Variants in MAPT observed in about 807,000 individuals in gnomAD.
The protein encoded by MAPT is microtubule-associated protein tau.
In MAPT, 34 loss-of-function variants were observed where a neutral mutation model predicts 67.9. The ratio of observed to expected loss-of-function variants is 0.50; its 90% CI spans 0.38 to 0.67. The LOEUF (loss-of-function observed/expected upper bound fraction) is 0.67. Among genes scored for constraint, MAPT ranks in the 30% least tolerant of loss-of-function variants. The pLI, the probability that MAPT is intolerant of heterozygous loss-of-function variation, is 0.00. For synonymous variants in MAPT, 456 were observed against 464.5 expected (o/e 0.98, Z 0.23); for missense variants, 881 against 1,115.2 (o/e 0.79, Z 2.99).
At chr17:45,921,924 G>A (rs933065528) in intron 1 of MAPT, among the ~76,000 whole-genome samples, 1 of 152,084 alleles carries the variant, frequency 6.6e-6, no homozygotes, top group Non-Finnish European at 1.5e-5. Flanking sequence ...AAGCACCTAA[G>A]CCCGGGACCC....
intron 1 of MAPT, among the ~76,000 whole-genome samples, chr17:45,952,215 G>A (rs1277246215): frequency 6.6e-6 from 1 of 152,206 alleles, no homozygotes; most frequent in African/African-American, 2.4e-5. Context: ...CCATTTGTCT[G>A]TTGGTTTAGA....
chr17:45,932,252 A>G (rs2066909163), intron 1 of MAPT, among the ~76,000 whole-genome samples: 1 of 152,130 alleles, frequency 6.6e-6, no homozygotes, highest in African/African-American at 2.4e-5. Flanking sequence ...AGAGATGGAA[A>G]ATGCAAATGG....
At chr17:45,928,554 C>T (rs1054676343) in intron 1 of MAPT, among the ~76,000 whole-genome samples, 25 of 152,282 alleles carry the variant, frequency 1.6e-4, no homozygotes, top group African/African-American at 5.8e-4. Context: ...ACTCTGGCTG[C>T]CTACCTTAAC....
rs527604171 is a variant in MAPT at position 46,014,225 on chromosome 17, C to T, written c.2092-18C>T. 5.9e-5 allele frequency: 88 copies of T among 1,504,156 alleles called. 1 individual carries two copies. In the South Asian group the frequency reaches 9.7e-4, roughly 17 times the overall value. 93.2% of individuals were successfully genotyped at this position (1,504,156 alleles called of 1,614,324 possible). A position where few individuals can be genotyped will look rare whatever the true frequency, so the allele number is the denominator to read the frequency against. On this transcript the variant is annotated intron_variant, in intron 10 of 12. Transcript: ENST00000262410. ...CTCTCTGCCTTTCCTCTTCTCTCTCCTCCTCTCTCATCTCCAGGTGCAAAT... is the reference window on the plus strand; with the variant it reads ...CTCTCTGCCTTTCCTCTTCTCTCTCTTCCTCTCTCATCTCCAGGTGCAAAT...
At position 45,996,284 on chromosome 17, in the gene MAPT, A is replaced by T; in HGVS notation, c.1733-115A>T. ...TAGCTGCGCTTCCAACCTGGCTTCC[A>T]CCTGCCTAACCCAGTGGTGAGCCTG... is the stretch of plus-strand genomic sequence containing the variant. On this transcript the variant is annotated intron_variant, in intron 8 of 12. Transcript: ENST00000262410. The surrounding 1 kb of genome is among the most constrained non-coding windows in gnomAD (Gnocchi z 4.5). 1 of 1,199,806 alleles carries T rather than the reference A, an allele frequency of 8.3e-7. No individual in the cohort carries two copies. The highest frequency in any genetic ancestry group is 1.2e-6 in the Non-Finnish European group (1 of 821,744). 74.3% of individuals were successfully genotyped at this position (1,199,806 alleles called of 1,614,324 possible). A position where few individuals can be genotyped will look rare whatever the true frequency, so the allele number is the denominator to read the frequency against.
chr17:46,017,657 C>T (rs1176847057), intron 11 of MAPT, among the ~76,000 whole-genome samples: 1 of 148,596 alleles, frequency 6.7e-6, no homozygotes, highest in Non-Finnish European at 1.5e-5. Flanking sequence ...CGAGGTTTCA[C>T]CATGTTGGTC....
chr17:46,021,383 A>AC (rs143521905), intron 12 of MAPT, among the ~76,000 whole-genome samples: 4,090 of 152,208 alleles, frequency 0.027, 179 homozygotes, highest in African/African-American at 0.094. Context: ...GCTGTTTCTA[A>AC]CCCCAGGCCT....
intron 1 of MAPT, among the ~76,000 whole-genome samples, chr17:45,903,663 C>T (rs1411481536): frequency 3.8e-5 from 5 of 132,218 alleles, no homozygotes; most frequent in East Asian, 4.2e-4. Context: ...TGCAGTGAGC[C>T]GAGATCGCAC....
chr17:45,996,739 G>T lies in MAPT; in HGVS notation c.1998+75G>T. The T allele has an allele frequency of 6.3e-7, 1 of 1,576,456 alleles. No individual in the cohort carries two copies. The highest frequency in any genetic ancestry group is 8.6e-7 in the Non-Finnish European group (1 of 1,160,672). On this transcript the variant is annotated intron_variant, in intron 9 of 12. Coordinates refer to ENST00000262410, the MANE Select transcript of MAPT (RefSeq NM_001377265.1). This position sits in a 1 kb window ranked among gnomAD's most constrained non-coding sequence, Gnocchi z 4.5. The stretch of plus-strand genomic sequence containing the variant: ...GGTAGGGCTGTGCCTGGAAGGGTAG[G>T]GCTGCGCCTGGAGGTGCGCGGTTGA...
chr17:46,018,248 CAAG>C (rs887627190), intron 11 of MAPT, among the ~76,000 whole-genome samples: 12 of 151,978 alleles, frequency 7.9e-5, no homozygotes, highest in African/African-American at 2.9e-4. Context: ...TGCAGTATCT[CAAG>C]AAGAAGAGTT....
intron 1 of MAPT, among the ~76,000 whole-genome samples, chr17:45,949,843 G>A (rs907800506): frequency 1.3e-5 from 2 of 152,126 alleles, no homozygotes; most frequent in African/African-American, 2.4e-5. Context: ...GGAGGAAGGC[G>A]GATTGGTCAT....
At chr17:45,974,730 C>T (rs1320993565) in intron 3 of MAPT, 66 of 508,326 alleles carry the variant, frequency 1.3e-4, no homozygotes, top group African/African-American at 3.9e-5. Flanking sequence ...CCTCAGTCAG[C>T]GCGTCAGTTC....
chr17:46,015,014 A>C (rs1213093981), intron 11 of MAPT, among the ~76,000 whole-genome samples: 1 of 152,156 alleles, frequency 6.6e-6, no homozygotes, highest in Non-Finnish European at 1.5e-5. Context: ...AAAAAAATAG[A>C]ATAAGACCTA....
Position 45,962,194 on chromosome 17 carries a change from TAGAG to T in MAPT, c.-17-124_-17-121del, listed in dbSNP as rs1204120474. 17 of 758,064 alleles carry T rather than the reference TAGAG, an allele frequency of 2.2e-5. No homozygotes were observed. In the Admixed American group the frequency reaches 3.2e-4, roughly 14 times the overall value. 47.0% of individuals were successfully genotyped at this position (758,064 alleles called of 1,614,324 possible). On this transcript the variant is annotated intron_variant, in intron 1 of 12. Transcript: ENST00000262410. ...GGGATGAGGATGGGCGGCCAACTGT[TAGAG>T]AGGGTAGCAGGGAGGCTGAGATCTG... is the stretch of plus-strand genomic sequence containing the variant.
At chr17:45,958,364 C>T (rs1466433301) in intron 1 of MAPT, among the ~76,000 whole-genome samples, 1 of 152,132 alleles carries the variant, frequency 6.6e-6, no homozygotes, top group East Asian at 1.9e-4. Context: ...TAATGTTATT[C>T]ATAAATTAAG....
chr17:45,957,038 A>T (rs977025011), intron 1 of MAPT, among the ~76,000 whole-genome samples: 1 of 152,102 alleles, frequency 6.6e-6, no homozygotes, highest in Admixed American at 6.5e-5. Context: ...TGCTATTGTG[A>T]ATAGTGCCGC....
intron 5 of MAPT, among the ~76,000 whole-genome samples, chr17:45,984,933 C>G (rs1265742365): frequency 4.6e-5 from 7 of 152,220 alleles, no homozygotes; most frequent in Non-Finnish European, 8.8e-5. Context: ...CTCACAGTTG[C>G]AAGCATCTGT....
intron 12 of MAPT, among the ~76,000 whole-genome samples, chr17:46,019,869 G>T (rs62062289): frequency 1.3e-5 from 2 of 151,712 alleles, no homozygotes; most frequent in African/African-American, 2.4e-5. Flanking sequence ...AAAGTTAGCT[G>T]GGTGTGGTGG....
rs138482356 is a variant in MAPT, at chr17:45,983,967, ACCTCCCAGG to A, written c.1351+48_1351+56del. The A allele has an allele frequency of 0.037, 54,256 of 1,476,464 alleles. 1,301 individuals carry two copies. Among genetic ancestry groups the A allele is most frequent in the Non-Finnish European group, 0.044 (48,353 of 1,102,912 alleles). The allele number at this position is 1,476,464 out of a possible 1,614,324, so 91.5% of individuals were successfully genotyped here. A position where few individuals can be genotyped will look rare whatever the true frequency, so the allele number is the denominator to read the frequency against. ...GAGCTTCTTCGCTCCTTCCCTGGGG[ACCTCCCAGG>A]CCTCCCAGGCTGCGGGCACTGCCAC... On this transcript the variant is annotated intron_variant, in intron 5 of 12. Coordinates refer to ENST00000262410, the MANE Select transcript of MAPT (RefSeq NM_001377265.1).
Sources: allele counts gnomAD v4.1 joint callset (sites outside exome capture counted in the v4.1 genomes callset), GRCh38; gene constraint gnomAD v4.1.1; non-coding constraint Gnocchi (gnomAD v3.1); transcripts MANE v1.5; gene names NCBI Gene and HGNC (gene_info 2026-07-23, HGNC 2026-07-21).